Variants in PAK3 observed in about 807,000 individuals in gnomAD.
PAK3 encodes p21 (RAC1) activated kinase 3.
Under a neutral mutation model 41.0 loss-of-function variants are expected in PAK3, and 4 were observed. That is an observed-to-expected ratio of 0.10 (90% CI 0.05 to 0.22). The LOEUF is 0.22. Among genes scored for constraint, PAK3 ranks in the 10% least tolerant of loss-of-function variants. PAK3 has a pLI of 1.00. For synonymous variants in PAK3, 146 were observed against 139.6 expected (o/e 1.05, Z -0.32); for missense variants, 205 against 409.9 (o/e 0.50, Z 4.32).
At chrX:111,193,487 T>C (rs1426540134) in intron 13 of PAK3, among the ~76,000 whole-genome samples, 2 of 109,650 alleles carry the variant, frequency 1.8e-5, no homozygotes, top group African/African-American at 6.6e-5. Flanking sequence ...GGAGCTGGGA[T>C]TACAGGCGTG....
intron 5 of PAK3, among the ~76,000 whole-genome samples, chrX:111,128,261 G>T (rs1348372104): frequency 8.9e-6 from 1 of 112,131 alleles, no homozygotes; most frequent in African/African-American, 3.2e-5. Flanking sequence ...CAGTTCATGT[G>T]CATTTTATTT....
intron 4 of PAK3, among the ~76,000 whole-genome samples, chrX:111,112,854 C>A (rs1428510680): frequency 1.8e-5 from 2 of 111,598 alleles, no homozygotes; most frequent in Admixed American, 1.9e-4. Flanking sequence ...AGGTAAGTTT[C>A]TTTTTCCGAG....
At chrX:110,999,101 C>T (rs769207194) in intron 1 of PAK3, among the ~76,000 whole-genome samples, 6 of 111,682 alleles carry the variant, frequency 5.4e-5, no homozygotes, top group Admixed American at 1.9e-4. Context: ...AGGAGTGTGC[C>T]AAAAGAGATG....
intron 4 of PAK3, among the ~76,000 whole-genome samples, chrX:111,111,904 G>C (rs1418861712): frequency 4.5e-5 from 5 of 111,480 alleles, no homozygotes; most frequent in Non-Finnish European, 9.4e-5. Context: ...AATGTCCACT[G>C]TAGAGACCTC....
chrX:111,029,236 A>G (rs1299320578), intron 1 of PAK3, among the ~76,000 whole-genome samples: 2 of 112,277 alleles, frequency 1.8e-5, no homozygotes, highest in African/African-American at 6.5e-5. Context: ...ATAAAACTCT[A>G]CAACATCATA....
upstream of PAK3, among the ~76,000 whole-genome samples, chrX:111,094,679 CTTTTTTTTTTTTT>C (rs762547955): frequency 2.2e-5 from 1 of 45,088 alleles, no homozygotes; most frequent in East Asian, 6.9e-4. Context: ...ATCTGTAGCT[CTTTTTTTTTTTTT>C]TTTTTTTTTT....
chrX:111,144,762 C>G, intron 6 of PAK3: 1 of 471,541 alleles, frequency 2.1e-6, no homozygotes, highest in Non-Finnish European at 3.7e-6. Flanking sequence ...TACACTTGGA[C>G]CCTGAAGCTA....
chrX:111,064,228 C>T (rs927283656), intron 1 of PAK3, among the ~76,000 whole-genome samples: 5 of 112,005 alleles, frequency 4.5e-5, no homozygotes, highest in Admixed American at 1.9e-4. Flanking sequence ...TATATCTTTC[C>T]ACAGGACTCG....
chrX:111,187,171 A>G (rs902412314), intron 11 of PAK3, among the ~76,000 whole-genome samples: 19 of 112,409 alleles, frequency 1.7e-4, no homozygotes, highest in African/African-American at 5.8e-4. Context: ...CAACATAATT[A>G]CAAGTTGATA....
chrX:111,160,627 C>T (rs1164983095), intron 8 of PAK3, among the ~76,000 whole-genome samples: 2 of 108,518 alleles, frequency 1.8e-5, no homozygotes, highest in Non-Finnish European at 1.9e-5. Context: ...TCCCCCCACC[C>T]CACAACAGTC....
intron 1 of PAK3, among the ~76,000 whole-genome samples, chrX:111,007,336 A>G (rs1446453819): frequency 9.0e-6 from 1 of 111,367 alleles, no homozygotes; most frequent in Non-Finnish European, 1.9e-5. Context: ...ATAAGCATAA[A>G]CAAAGGCTTG....
intron 11 of PAK3, among the ~76,000 whole-genome samples, chrX:111,177,267 T>C (rs1262443373): frequency 4.5e-5 from 5 of 112,294 alleles, no homozygotes; most frequent in Non-Finnish European, 9.4e-5. Context: ...GAGCTGGATT[T>C]GAGAAGAGCT....
intron 1 of PAK3, among the ~76,000 whole-genome samples, chrX:110,991,778 G>A (rs1033391557): frequency 3.6e-5 from 4 of 111,188 alleles, no homozygotes; most frequent in African/African-American, 1.3e-4. Context: ...AATCAAGACT[G>A]CAGGAGATGG....
chrX:111,216,631 G>T, intron 17 of PAK3, 73 bp downstream of exon 17: 2 of 861,975 alleles, frequency 2.3e-6, no homozygotes, highest in Non-Finnish European at 3.5e-6. Context: ...GTGACAGAGA[G>T]CTCTGTCAAG....
At chrX:111,027,685 G>A (rs1290067044) in intron 1 of PAK3, among the ~76,000 whole-genome samples, 11 of 111,062 alleles carry the variant, frequency 9.9e-5, no homozygotes. Flanking sequence ...TGGTGTGGAT[G>A]CAGTGAAAAG....
At chrX:111,147,252 G>T (rs2093958835) in intron 6 of PAK3, among the ~76,000 whole-genome samples, 1 of 111,825 alleles carries the variant, frequency 8.9e-6, no homozygotes, top group South Asian at 3.8e-4. Flanking sequence ...AGTATAACCT[G>T]ACCAAGGGTG....
At chrX:111,063,783 G>A (rs890888743) in intron 1 of PAK3, among the ~76,000 whole-genome samples, 3 of 102,405 alleles carry the variant, frequency 2.9e-5, no homozygotes, top group East Asian at 3.1e-4. Flanking sequence ...CCGAGATTGC[G>A]CCACTGCACT....
chrX:111,185,470 C>T (rs1003479528), intron 11 of PAK3, among the ~76,000 whole-genome samples: 12 of 111,065 alleles, frequency 1.1e-4, no homozygotes, highest in Admixed American at 3.8e-4. Flanking sequence ...AGTCTTTGCC[C>T]GTGTCTATCT....
chrX:111,122,255 G>GAAAAA (rs747134804), intron 4 of PAK3, among the ~76,000 whole-genome samples: 6 of 23,267 alleles, frequency 2.6e-4, no homozygotes, highest in Admixed American at 6.0e-4. Flanking sequence ...GACTCCATCT[G>GAAAAA]AAAAAAAAAA....
Sources: gnomAD v4.1 joint callset for allele counts (sites outside exome capture counted in the v4.1 genomes callset) on GRCh38, gnomAD v4.1.1 for gene constraint, MANE v1.5 for transcripts, NCBI Gene and HGNC (gene_info 2026-07-23, HGNC 2026-07-21) for gene names.